The following CLCA2 variants were observed in gnomAD, a reference collection of about 807,000 sequenced individuals.
CLCA2 encodes chloride channel accessory 2.
Under a neutral mutation model 82.9 loss-of-function variants are expected in CLCA2, and 85 were observed. That is an observed-to-expected ratio of 1.03 (90% confidence interval 0.86 to 1.23). The LOEUF (loss-of-function observed/expected upper bound fraction) is 1.23, where lower values mean the gene tolerates loss of function less well. Ranked by LOEUF, CLCA2 falls within the 50% of genes most tolerant of loss-of-function variation. The pLI is 0.00. For synonymous variants in CLCA2, 421 were observed against 391.7 expected (o/e 1.07, Z -0.88); for missense variants, 1,089 against 1,124.8 (o/e 0.97, Z 0.45).
rs148776402 is a variant in CLCA2 at position 86,440,232 on chromosome 1, T to C, written c.1288T>C (p.Leu430=). 2 of 1,614,058 alleles carry C rather than the reference T, an allele frequency of 1.2e-6. No homozygotes were observed. The highest frequency in any genetic ancestry group is 1.3e-5 in the African/African-American group (1 of 75,052). The part of the protein sequence containing the change: ...SGDDKLLGNC[L]PTVLSSGSTI... ...AGATGATAAGCTTCTTGGCAATTGC[T>C]TACCCACTGTGCTCAGCAGTGGTTC... Residue 430 remains leucine (L), a synonymous_variant, in exon 8 of 14, where the codon TTA becomes CTA. Transcript: ENST00000370565.
chr1:86,454,411 TTATA>T (rs769000662), intron 13 of CLCA2, among the ~76,000 whole-genome samples: 10 of 152,202 alleles, frequency 6.6e-5, no homozygotes, highest in Non-Finnish European at 1.3e-4. Flanking sequence ...TTTTTAGACT[TTATA>T]TGCTCATTTT....
chr1:86,431,936 T>G (rs1379992193), intron 4 of CLCA2, among the ~76,000 whole-genome samples: 2 of 152,148 alleles, frequency 1.3e-5, no homozygotes, highest in Non-Finnish European at 2.9e-5. Context: ...GTTTGTTTGT[T>G]TTTTTGTTTG....
chr1:86,441,407 A>T, intron 8 of CLCA2, 30 bp from the exon 9 acceptor site: 1 of 1,286,928 alleles, frequency 7.8e-7, no homozygotes, highest in Non-Finnish European at 1.1e-6. Context: ...TACCCATTTT[A>T]ATAGTGAACA....
chr1:86,455,369 T>A lies in CLCA2; in HGVS notation c.2674T>A (p.Ser892Thr). Residue 892 changes from serine (S) to threonine (T), a missense_variant, in exon 14 of 14, where the codon TCT (serine) becomes ACT (threonine). Transcript: ENST00000370565. ...AQAPLFIPPNSDPVPARDYLI... is the reference protein window; with the variant it reads ...AQAPLFIPPNTDPVPARDYLI... ...GGCGCCTCTGTTTATTCCCCCCAAT[T>A]CTGATCCTGTACCTGCCAGAGATTA... 1 of 1,612,258 alleles carries A rather than the reference T, an allele frequency of 6.2e-7. No homozygotes were observed. Among genetic ancestry groups the A allele is most frequent in the Non-Finnish European group, 8.5e-7 (1 of 1,179,500 alleles).
chr1:86,438,771 C>A (rs1474493604), intron 6 of CLCA2, 105 bp from the exon 7 acceptor site: 2 of 896,144 alleles, frequency 2.2e-6, no homozygotes, highest in Non-Finnish European at 3.5e-6. Flanking sequence ...TATGATCCAA[C>A]ATCTCTAAAG....
At chr1:86,439,305 T>A (rs1662676935) in intron 7 of CLCA2, among the ~76,000 whole-genome samples, 199 bp downstream of exon 7, 1 of 152,220 alleles carries the variant, frequency 6.6e-6, no homozygotes, top group South Asian at 2.1e-4. Context: ...GCAAAGTACA[T>A]AGCATACAAT....
chr1:86,437,414 C>T (rs901839129), intron 6 of CLCA2, among the ~76,000 whole-genome samples: 6 of 151,980 alleles, frequency 3.9e-5, no homozygotes, highest in Admixed American at 6.6e-5. Context: ...CAGCACCTGG[C>T]GCTGTAGAAG....
chr1:86,440,863 T>C (rs894661518), intron 8 of CLCA2, among the ~76,000 whole-genome samples: 14 of 152,100 alleles, frequency 9.2e-5, no homozygotes, highest in African/African-American at 2.9e-4. Flanking sequence ...ATCACGCTAC[T>C]GCACTCCAGC....
chr1:86,435,301 A>G (rs1662585957), intron 6 of CLCA2, among the ~76,000 whole-genome samples: 3 of 152,212 alleles, frequency 2.0e-5, no homozygotes, highest in Admixed American at 2.0e-4. Context: ...ACTCTTTCCA[A>G]CAAAGATCCT....
chr1:86,432,619 T>C (rs1662523767), intron 5 of CLCA2, 91 bp downstream of exon 5: 1 of 1,446,020 alleles, frequency 6.9e-7, no homozygotes, highest in Admixed American at 2.2e-5. Context: ...TAAGATGCAC[T>C]ATACTTTAGA....
chr1:86,449,517 T>C (rs1662918627), intron 11 of CLCA2, among the ~76,000 whole-genome samples: 1 of 152,252 alleles, frequency 6.6e-6, no homozygotes. Context: ...TACCAAGATT[T>C]GATTTCTTAC....
rs571744294 is a variant in CLCA2, at chr1:86,455,489, A to T, written c.2794A>T (p.Arg932Ter). The T allele has an allele frequency of 6.7e-7, 1 of 1,499,916 alleles. No homozygotes were observed. The highest frequency in any genetic ancestry group is 2.5e-5 in the Admixed American group (1 of 40,808). 92.9% of individuals were successfully genotyped at this position (1,499,916 alleles called of 1,614,324 possible). Residue 932 changes from arginine to a stop codon, truncating the protein, a stop_gained, in exon 14 of 14, where the codon AGA (arginine) becomes TGA (stop). Coordinates refer to ENST00000370565, the MANE Select transcript of CLCA2 (RefSeq NM_006536.7). LOFTEE classifies it high-confidence loss of function. ...ACATCATACTTTAAGCAGGAAAAAG[A>T]GAGCAGACAAGAAAGAGAATGGAAC... The part of the protein sequence containing the change: ...VTHHTLSRKK[R>*]ADKKENGTKL...
chr1:86,434,003 G>A (rs887062249), intron 5 of CLCA2, among the ~76,000 whole-genome samples: 1 of 85,264 alleles, frequency 1.2e-5, no homozygotes, highest in Non-Finnish European at 3.0e-5. Context: ...ATTGAGTGGG[G>A]GTGGGGGATC....
Position 86,450,742 on chromosome 1 carries a change from C to A in CLCA2, c.2155+9C>A. ...AGGTTACACAGCAAACGGTAAGAACCATTAGCACTGTTATTTGAGTAACAT... is the reference window on the plus strand; with the variant it reads ...AGGTTACACAGCAAACGGTAAGAACAATTAGCACTGTTATTTGAGTAACAT... On this transcript the variant is annotated intron_variant, in intron 12 of 13. Coordinates refer to ENST00000370565, the MANE Select transcript of CLCA2 (RefSeq NM_006536.7). The A allele has an allele frequency of 1.3e-6, 2 of 1,581,284 alleles. No individual in the cohort carries two copies. Among genetic ancestry groups the A allele is most frequent in the Non-Finnish European group, 1.7e-6 (2 of 1,161,492 alleles).
chr1:86,453,660 G>A, intron 13 of CLCA2, 58 bp downstream of exon 13: 1 of 1,405,130 alleles, frequency 7.1e-7, no homozygotes, highest in South Asian at 1.2e-5. Flanking sequence ...TAATAACTAG[G>A]TCAGGGGCTA....
At position 86,432,379 on chromosome 1, in the gene CLCA2, G is replaced by A. The variant is rs1047302296; in HGVS notation, c.595G>A (p.Asp199Asn). Residue 199 changes from aspartate (D) to asparagine (N), a missense_variant, in exon 5 of 14, where the codon GAC (aspartate) becomes AAC (asparagine). By Grantham distance (23) the Asp-to-Asn change is conservative. Transcript: ENST00000370565. ...NQIKVTRCSS[D>N]ITGIFVCEKG... ...TCTTTCCATTTTTAGGTGTTCATCT[G>A]ACATCACAGGCATTTTTGTGTGTGA... 6.2e-7 allele frequency: 1 copy of A among 1,613,630 alleles called. No individual in the cohort carries two copies. The highest frequency in any genetic ancestry group is 8.5e-7 in the Non-Finnish European group (1 of 1,179,900).
At position 86,434,620 on chromosome 1, in the gene CLCA2, GC is replaced by G; in HGVS notation, c.848del (p.Ala283ValfsTer9). On this transcript the variant is annotated frameshift_variant, in exon 6 of 14. Transcript: ENST00000370565. LOFTEE classifies it high-confidence loss of function. ...TGCATGGGATGTAATCACAGACTCT[GC>G]TGACTTTCACCACAGCTTTCCCATG... The part of the protein sequence containing the change: ...RSAWDVITDS[A>X]DFHHSFPMNG... 1 of 1,614,082 alleles carries G rather than the reference GC, an allele frequency of 6.2e-7. No individual in the cohort carries two copies. The highest frequency in any genetic ancestry group is 8.5e-7 in the Non-Finnish European group (1 of 1,179,984).
chr1:86,450,453 ATATATCT>A (rs1340147592), intron 11 of CLCA2, 103 bp from the exon 12 acceptor site: 1 of 767,238 alleles, frequency 1.3e-6, no homozygotes, highest in African/African-American at 1.8e-5. Flanking sequence ...GAGCATGATA[ATATATCT>A]TATATAGAAA....
chr1:86,439,463 CA>C (rs1375099900), intron 7 of CLCA2, among the ~76,000 whole-genome samples: 1 of 152,202 alleles, frequency 6.6e-6, no homozygotes, highest in Non-Finnish European at 1.5e-5. Context: ...TTGTCAAAAT[CA>C]GCATGTCTAG....
Sources: gnomAD v4.1 joint callset for allele counts (sites outside exome capture counted in the v4.1 genomes callset) on GRCh38, gnomAD v4.1.1 for gene constraint, MANE v1.5 for transcripts, NCBI Gene and HGNC (gene_info 2026-07-23, HGNC 2026-07-21) for gene names.